Variants in NIPAL3 observed in about 807,000 individuals in gnomAD.
The protein encoded by NIPAL3 is NIPA like domain containing 3, also known as NIPA-like protein 3.
In NIPAL3, 41 loss-of-function variants were observed where a neutral mutation model predicts 47.2. That is an observed-to-expected ratio of 0.87 (90% CI 0.68 to 1.13). The LOEUF (loss-of-function observed/expected upper bound fraction) is 1.13, where lower values mean the gene tolerates loss of function less well. Among genes scored for constraint, NIPAL3 ranks in the 50% most tolerant of loss-of-function variants. NIPAL3 has a pLI of 0.00. For synonymous variants in NIPAL3, 194 were observed against 209.6 expected (o/e 0.93, Z 0.64); for missense variants, 449 against 530.1 (o/e 0.85, Z 1.50).
chr1:24,464,299 G>A (rs578135742), intron 11 of NIPAL3, 179 bp downstream of exon 11: 8 of 442,064 alleles, frequency 1.8e-5, no homozygotes, highest in South Asian at 5.2e-5. Context: ...GAGGCACCTC[G>A]GTTGGTTTTG....
At chr1:24,446,924 A>T (rs1356065828) in intron 5 of NIPAL3, among the ~76,000 whole-genome samples, 1 of 152,134 alleles carries the variant, frequency 6.6e-6, no homozygotes, top group African/African-American at 2.4e-5. Context: ...TACTAAGGAG[A>T]TTGCCATCCC....
At chr1:24,431,806 C>G (rs1192599904) in intron 2 of NIPAL3, among the ~76,000 whole-genome samples, 1 of 152,040 alleles carries the variant, frequency 6.6e-6, no homozygotes, top group Non-Finnish European at 1.5e-5. Flanking sequence ...GGTTCCCACC[C>G]CCGGAGCTTC....
chr1:24,415,392 G>C (rs972219806), upstream of NIPAL3: 1 of 152,186 alleles, frequency 6.6e-6, no homozygotes, highest in Non-Finnish European at 1.5e-5. Context: ...TGAGAGCGTC[G>C]GGTAGGGGAA....
rs1266586900 is a variant in NIPAL3 at position 24,416,136 on chromosome 1, A to C, written c.-258+232A>C. 2.5e-5 allele frequency: 25 copies of C among 985,318 alleles called. No individual in the cohort carries two copies. The highest frequency in any genetic ancestry group is 2.9e-5 in the Non-Finnish European group (24 of 829,972). The allele number at this position is 985,318 out of a possible 1,614,324, so 61.0% of individuals were successfully genotyped here. On this transcript the variant is annotated intron_variant, in intron 1 of 11. Transcript: ENST00000374399. This position sits in a 1 kb window ranked among gnomAD's most constrained non-coding sequence, Gnocchi z 4.8. ...CTAAAGGTGATGCCAGGCTCTACCAAACCAGGAAGTGACATGGAGTTAACT... is the reference window on the plus strand; with the variant it reads ...CTAAAGGTGATGCCAGGCTCTACCACACCAGGAAGTGACATGGAGTTAACT...
At chr1:24,423,741 A>G (rs1644445465) in intron 2 of NIPAL3, among the ~76,000 whole-genome samples, 1 of 152,164 alleles carries the variant, frequency 6.6e-6, no homozygotes, top group Non-Finnish European at 1.5e-5. Flanking sequence ...CAGAGCCTTT[A>G]TTGTGTTTTT....
At chr1:24,428,104 A>G (rs10903085) in intron 2 of NIPAL3, among the ~76,000 whole-genome samples, 6,355 of 152,124 alleles carry the variant, frequency 0.042, 201 homozygotes, top group Non-Finnish European at 0.065. Flanking sequence ...GCTGGGTGCA[A>G]TGGCATGCAC....
At chr1:24,442,730 C>T (rs916025994) in intron 4 of NIPAL3, among the ~76,000 whole-genome samples, 1 of 152,102 alleles carries the variant, frequency 6.6e-6, no homozygotes, top group African/African-American at 2.4e-5. Flanking sequence ...GTGGGAGGAT[C>T]GCTTGAGGCC....
chr1:24,438,577 C>G (rs1189479677), intron 2 of NIPAL3, among the ~76,000 whole-genome samples: 1 of 152,238 alleles, frequency 6.6e-6, no homozygotes, highest in Non-Finnish European at 1.5e-5. Context: ...ACTGTTACTG[C>G]TGACTGTGTC....
chr1:24,460,691 G>A, intron 10 of NIPAL3, 147 bp downstream of exon 10: 2 of 585,352 alleles, frequency 3.4e-6, no homozygotes, highest in South Asian at 5.4e-5. Flanking sequence ...CCAGAGGTGA[G>A]CGTTTTATTC....
intron 2 of NIPAL3, among the ~76,000 whole-genome samples, chr1:24,433,856 A>G (rs1215544811): frequency 6.6e-6 from 1 of 152,220 alleles, no homozygotes; most frequent in Non-Finnish European, 1.5e-5. Flanking sequence ...TTTGTATAAC[A>G]CTAAAATTAA....
At position 24,458,889 on chromosome 1, in the gene NIPAL3, T is replaced by G. The variant is rs915193610; in HGVS notation, c.775T>G (p.Phe259Val). The change falls in exon 9 of 12, where the codon TTT (phenylalanine) becomes GTT (valine). Residue 259 changes from phenylalanine (F) to valine (V), a missense_variant and splice_region_variant. By Grantham distance (50) the Phe-to-Val change is conservative. Transcript: ENST00000374399. ...MVATAVYQAA[F>V]LSQASQMYDS... ...GACTGGAGTGCTTTTGTGTTGAAGG[T>G]TTTTGAGTCAAGCCTCACAGATGTA... is the stretch of plus-strand genomic sequence containing the variant. 4 of 1,613,570 alleles carry G rather than the reference T, an allele frequency of 2.5e-6. No individual in the cohort carries two copies. Among genetic ancestry groups the G allele is most frequent in the Non-Finnish European group, 1.7e-6 (2 of 1,179,538 alleles).
chr1:24,417,898 C>T (rs951132640), intron 1 of NIPAL3, among the ~76,000 whole-genome samples: 12 of 152,220 alleles, frequency 7.9e-5, no homozygotes, highest in Admixed American at 6.5e-4. Flanking sequence ...AATTGTTTAG[C>T]TCACAGTGAG....
upstream of NIPAL3, chr1:24,415,457 G>C (rs563804224): frequency 6.6e-6 from 1 of 152,358 alleles, no homozygotes; most frequent in Admixed American, 6.5e-5. Context: ...AGGACACCTG[G>C]CAGGCTGCTA....
At chr1:24,423,359 T>C (rs1644419639) in intron 2 of NIPAL3, among the ~76,000 whole-genome samples, 1 of 152,172 alleles carries the variant, frequency 6.6e-6, no homozygotes, top group South Asian at 2.1e-4. Flanking sequence ...TTACATTTCC[T>C]AAAAGAAGGA....
At chr1:24,466,801 C>T (rs534351264) in intron 11 of NIPAL3, among the ~76,000 whole-genome samples, 21 of 152,312 alleles carry the variant, frequency 1.4e-4, no homozygotes, top group East Asian at 3.9e-4. Context: ...TCCCTGAGAA[C>T]GGGCACCTCC....
upstream of NIPAL3, chr1:24,414,603 C>T (rs2148725934): frequency 7.6e-6 from 1 of 131,720 alleles, no homozygotes; most frequent in Admixed American, 8.6e-5. Flanking sequence ...GGCGCGATCT[C>T]GACTCGCTGC....
chr1:24,443,988 G>A (rs1475984776), intron 4 of NIPAL3, among the ~76,000 whole-genome samples: 3 of 148,972 alleles, frequency 2.0e-5, no homozygotes, highest in Non-Finnish European at 3.0e-5. Context: ...ATTAGTCTTC[G>A]AATTTTAATA....
In NIPAL3 at chr1:24,419,384, G is replaced by A; in HGVS notation, c.-164G>A. 3.0e-6 allele frequency: 4 copies of A among 1,335,974 alleles called. No homozygotes were observed. The highest frequency in any genetic ancestry group is 1.9e-6 in the Non-Finnish European group (2 of 1,045,654). The allele number at this position is 1,335,974 out of a possible 1,614,324, so 82.8% of individuals were successfully genotyped here. A position where few individuals can be genotyped will look rare whatever the true frequency, so the allele number is the denominator to read the frequency against. ...TCTGAGTGAAGCTGAGGAGAAGGCTGTAAATCTGCCAAAACAGCCTTGAAG... is the reference window on the plus strand; with the variant it reads ...TCTGAGTGAAGCTGAGGAGAAGGCTATAAATCTGCCAAAACAGCCTTGAAG... On this transcript the variant is annotated 5_prime_UTR_variant, in exon 2 of 12. Coordinates refer to ENST00000374399, the MANE Select transcript of NIPAL3 (RefSeq NM_020448.5).
At chr1:24,466,286 A>T in intron 11 of NIPAL3, 1 of 445,848 alleles carries the variant, frequency 2.2e-6, no homozygotes, top group Admixed American at 3.9e-5. Flanking sequence ...AATGGGAAGA[A>T]AAGGGTTTTT....
Sources: gnomAD v4.1 joint callset for allele counts (sites outside exome capture counted in the v4.1 genomes callset) on GRCh38, gnomAD v4.1.1 for gene constraint, Gnocchi (gnomAD v3.1) non-coding constraint, MANE v1.5 for transcripts, NCBI Gene and HGNC (gene_info 2026-07-23, HGNC 2026-07-21) for gene names.